C12orf42: variants seen among roughly 807,000 people sequenced by gnomAD.
The protein encoded by C12orf42 is uncharacterized protein C12orf42.
C12orf42 carries 25 observed loss-of-function variants against 21.6 expected under a neutral mutation model. The observed-to-expected ratio is 1.16, with a 90% CI of 0.84 to 1.62. The LOEUF is 1.62. C12orf42 is among the 40% of genes most tolerant of loss of function. The pLI, the probability that C12orf42 is intolerant of heterozygous loss-of-function variation, is 0.00. For missense variants in C12orf42, 483 were observed against 459.3 expected (o/e 1.05, Z -0.47); for synonymous variants, 174 against 175.0 (o/e 0.99, Z 0.05).
At chr12:103,374,909 A>C (rs1346071251) in intron 3 of C12orf42, among the ~76,000 whole-genome samples, 2 of 152,226 alleles carry the variant, frequency 1.3e-5, no homozygotes, top group Non-Finnish European at 2.9e-5. Context: ...ACTTTGTCTT[A>C]GTTGGCATCA....
the C12orf42 span, among the ~76,000 whole-genome samples, chr12:103,170,117 G>T: frequency 6.6e-6 from 1 of 152,106 alleles, no homozygotes; most frequent in African/African-American, 2.4e-5. Context: ...CAACCTACTG[G>T]CTATGCCTTT....
chr12:103,420,811 G>A (rs542556730), intron 2 of C12orf42, among the ~76,000 whole-genome samples: 17 of 152,184 alleles, frequency 1.1e-4, no homozygotes, highest in East Asian at 1.9e-4. Flanking sequence ...GAGTCACCGC[G>A]CCCAGCCTGC....
chr12:103,192,502 C>CAAAAAAAAAA, the C12orf42 span, among the ~76,000 whole-genome samples: 1 of 104,506 alleles, frequency 9.6e-6, no homozygotes, highest in Non-Finnish European at 1.9e-5. Context: ...GACTCCATCT[C>CAAAAAAAAAA]AAAAAAAAAA....
the C12orf42 span, among the ~76,000 whole-genome samples, chr12:103,229,734 C>A: frequency 6.6e-6 from 1 of 152,062 alleles, no homozygotes; most frequent in African/African-American, 2.4e-5. Flanking sequence ...TTGAATAATT[C>A]TATATCTCAT....
chr12:103,397,434 G>A (rs2047628821), intron 3 of C12orf42, among the ~76,000 whole-genome samples: 1 of 152,148 alleles, frequency 6.6e-6, no homozygotes, highest in Admixed American at 6.5e-5. Flanking sequence ...TAAGATCAGT[G>A]GTGGCACTAG....
chr12:103,169,544 T>A, the C12orf42 span, among the ~76,000 whole-genome samples: 4 of 152,128 alleles, frequency 2.6e-5, no homozygotes, highest in African/African-American at 4.8e-5. Flanking sequence ...TTAGTATGTA[T>A]AAGAAATGAG....
At chr12:103,347,320 T>C (rs2042716018) in intron 4 of C12orf42, among the ~76,000 whole-genome samples, 1 of 151,920 alleles carries the variant, frequency 6.6e-6, no homozygotes, top group Non-Finnish European at 1.5e-5. Context: ...TTTTCTGATC[T>C]TGTGATAGTT....
At chr12:103,103,559 T>A in the C12orf42 span, among the ~76,000 whole-genome samples, 27 of 152,370 alleles carry the variant, frequency 1.8e-4, no homozygotes, top group East Asian at 1.9e-3. Context: ...TTAGATTTTT[T>A]AATTTTATTT....
At chr12:103,122,672 C>T in the C12orf42 span, among the ~76,000 whole-genome samples, 2 of 152,152 alleles carry the variant, frequency 1.3e-5, no homozygotes, top group Non-Finnish European at 1.5e-5. Flanking sequence ...AGGGCTGAGG[C>T]TCTGACTTAG....
At chr12:103,199,812 C>A in the C12orf42 span, among the ~76,000 whole-genome samples, 1 of 152,032 alleles carries the variant, frequency 6.6e-6, no homozygotes, top group Non-Finnish European at 1.5e-5. Context: ...CTAAATCTTT[C>A]CATTTAGAAA....
At chr12:103,277,795 A>G (rs1223950401) in intron 4 of C12orf42, among the ~76,000 whole-genome samples, 1 of 151,752 alleles carries the variant, frequency 6.6e-6, no homozygotes, top group Non-Finnish European at 1.5e-5. Context: ...AATTTTTTGT[A>G]TTTTTAGTAG....
rs549811340 is a variant in C12orf42 at position 103,384,049 on chromosome 12, C to A, written c.148-15051G>T. On this transcript the variant is annotated intron_variant, in intron 3 of 5. Transcript: ENST00000548883. ...AGTGGGTAGATTTTCATGACTCCAGCGTTTTGAATGGTATTCATAGCACTA... is the reference window on the plus strand; with the variant it reads ...AGTGGGTAGATTTTCATGACTCCAGAGTTTTGAATGGTATTCATAGCACTA... Among the ~76,000 whole-genome samples the A allele has an allele frequency of 1.3e-3, 205 of 152,218 alleles. 1 individual carries two copies. The highest frequency in any genetic ancestry group is 3.4e-3 in the Middle Eastern group (1 of 294).
At chr12:103,170,547 A>C in the C12orf42 span, among the ~76,000 whole-genome samples, 1 of 151,746 alleles carries the variant, frequency 6.6e-6, no homozygotes, top group African/African-American at 2.4e-5. Flanking sequence ...CCTCGTACAC[A>C]TACTCTGTTC....
the C12orf42 span, among the ~76,000 whole-genome samples, chr12:103,185,702 G>A: frequency 3.5e-4 from 54 of 152,182 alleles, no homozygotes; most frequent in Middle Eastern, 3.4e-3. Context: ...TACTGTTCTT[G>A]TGGTAGTGAA....
chr12:103,446,417 T>C (rs758964897), intron 2 of C12orf42, among the ~76,000 whole-genome samples: 2 of 151,996 alleles, frequency 1.3e-5, no homozygotes, highest in Non-Finnish European at 2.9e-5. Flanking sequence ...CCTTAAAGCA[T>C]AAATCTCACA....
At chr12:103,070,234 C>A in the C12orf42 span, among the ~76,000 whole-genome samples, 351 of 152,100 alleles carry the variant, frequency 2.3e-3, 3 homozygotes, top group Non-Finnish European at 3.8e-4. Context: ...CAGTATTTTG[C>A]ACCCTTAAGT....
At chr12:103,067,728 A>C in the C12orf42 span, among the ~76,000 whole-genome samples, 1 of 152,174 alleles carries the variant, frequency 6.6e-6, no homozygotes, top group Non-Finnish European at 1.5e-5. Flanking sequence ...GAACACTGCC[A>C]CTAGGAGATA....
At chr12:103,217,205 C>T in the C12orf42 span, among the ~76,000 whole-genome samples, 1 of 152,110 alleles carries the variant, frequency 6.6e-6, no homozygotes. Flanking sequence ...CATTGAAGTG[C>T]TGAAACATGC....
At chr12:103,060,532 A>G in the C12orf42 span, among the ~76,000 whole-genome samples, 1 of 152,234 alleles carries the variant, frequency 6.6e-6, no homozygotes, top group African/African-American at 2.4e-5. Flanking sequence ...ATCCTAAGCA[A>G]AAAGAACAAA....
Sources: gnomAD v4.1 joint callset for allele counts (sites outside exome capture counted in the v4.1 genomes callset) on GRCh38, gnomAD v4.1.1 for gene constraint, MANE v1.5 for transcripts, NCBI Gene and HGNC (gene_info 2026-07-23, HGNC 2026-07-21) for gene names.